GRID2: variants seen among roughly 807,000 people sequenced by gnomAD.
GRID2 encodes glutamate receptor ionotropic, delta-2.
In GRID2, 33 loss-of-function variants were observed where a neutral mutation model predicts 114.8. The observed-to-expected ratio is 0.29, with a 90% confidence interval of 0.22 to 0.38. The LOEUF (loss-of-function observed/expected upper bound fraction) is 0.38, where lower values mean the gene tolerates loss of function less well. GRID2 is among the 10% of genes least tolerant of loss of function. GRID2 has a pLI of 1.00. For synonymous variants in GRID2, 505 were observed against 449.9 expected, an observed-to-expected ratio of 1.12 and a Z score of -1.55; for missense variants, 1,184 against 1,257.7, an observed-to-expected ratio of 0.94 and a Z score of 0.89.
intron 8 of GRID2, among the ~76,000 whole-genome samples, chr4:93,362,873 A>G (rs979469236): frequency 6.6e-6 from 1 of 152,124 alleles, no homozygotes; most frequent in South Asian, 2.1e-4. Context: ...TGCAAGCTCT[A>G]TACTCATGCA....
At chr4:93,166,642 A>G (rs181478138) in intron 4 of GRID2, among the ~76,000 whole-genome samples, 70 of 152,292 alleles carry the variant, frequency 4.6e-4, no homozygotes, top group Non-Finnish European at 2.9e-5. Context: ...CTGCTTTATG[A>G]GGAATCCCAG....
chr4:92,653,673 C>G (rs1732090185), intron 2 of GRID2, among the ~76,000 whole-genome samples: 1 of 152,024 alleles, frequency 6.6e-6, no homozygotes, highest in African/African-American at 2.4e-5. Context: ...GCTGTACTTG[C>G]TGGATGTTCC....
chr4:92,765,735 A>G lies in GRID2; in HGVS notation c.244+175449A>G, dbSNP rs192493139. Among the ~76,000 whole-genome samples, 12 of 152,316 alleles carry G rather than the reference A, an allele frequency of 7.9e-5. No individual in the cohort carries two copies. The East Asian group carries it at 1.9e-3, about 25-fold the overall frequency. ...CATTTTAGTAGTTATGAAAGTATCC[A>G]GACAGAGAGCACTAAAGTCTGGTGG... On this transcript the variant is annotated intron_variant, in intron 2 of 15. Coordinates refer to ENST00000282020, the MANE Select transcript of GRID2 (RefSeq NM_001510.4).
At chr4:93,608,578 T>A (rs1359289715) in intron 13 of GRID2, among the ~76,000 whole-genome samples, 1 of 144,248 alleles carries the variant, frequency 6.9e-6, no homozygotes, top group Non-Finnish European at 1.5e-5. Context: ...TTTTTGTTCT[T>A]GCAATAGTTT....
At chr4:92,521,333 C>T (rs1724767262) in intron 1 of GRID2, among the ~76,000 whole-genome samples, 1 of 151,592 alleles carries the variant, frequency 6.6e-6, no homozygotes, top group African/African-American at 2.4e-5. Flanking sequence ...ATATAACAAA[C>T]AAGTATAAAA....
chr4:93,788,089 G>T (rs548455167), intron 1 of GRID2, among the ~76,000 whole-genome samples: 105 of 152,242 alleles, frequency 6.9e-4, no homozygotes, highest in African/African-American at 2.5e-3. Context: ...GGCCGAGGCG[G>T]GTGGATCACC....
At chr4:93,634,014 C>A (rs1721187750) in intron 14 of GRID2, among the ~76,000 whole-genome samples, 1 of 152,054 alleles carries the variant, frequency 6.6e-6, no homozygotes, top group Non-Finnish European at 1.5e-5. Flanking sequence ...GTACATAAAA[C>A]CAGAAGTTAA....
intron 14 of GRID2, among the ~76,000 whole-genome samples, chr4:93,694,946 C>T (rs760623684): frequency 2.6e-5 from 4 of 151,998 alleles, no homozygotes; most frequent in Non-Finnish European, 5.9e-5. Context: ...CCGAGACGGG[C>T]GGATTGCCTG....
chr4:92,659,447 T>A (rs925676457), intron 2 of GRID2, among the ~76,000 whole-genome samples: 6 of 151,470 alleles, frequency 4.0e-5, no homozygotes, highest in Admixed American at 1.3e-4. Flanking sequence ...CTCTCACTTT[T>A]CAGATCTCGA....
At chr4:92,535,813 A>G (rs537244304) in intron 1 of GRID2, among the ~76,000 whole-genome samples, 1 of 152,146 alleles carries the variant, frequency 6.6e-6, no homozygotes, top group Non-Finnish European at 1.5e-5. Flanking sequence ...GTGTGCCAGG[A>G]GTTTCTTCCT....
chr4:92,755,229 A>G (rs1737654552), intron 2 of GRID2, among the ~76,000 whole-genome samples: 1 of 152,166 alleles, frequency 6.6e-6, no homozygotes, highest in African/African-American at 2.4e-5. Context: ...TGTTTCTGCC[A>G]TTTTTGAGAT....
At chr4:93,028,059 C>A (rs997320977) in intron 2 of GRID2, among the ~76,000 whole-genome samples, 6 of 152,132 alleles carry the variant, frequency 3.9e-5, no homozygotes, top group Admixed American at 3.3e-4. Flanking sequence ...ACTTTCTATT[C>A]AGTCTCTTCT....
chr4:92,987,456 G>A (rs1402369657), intron 2 of GRID2, among the ~76,000 whole-genome samples: 1 of 152,040 alleles, frequency 6.6e-6, no homozygotes, highest in Non-Finnish European at 1.5e-5. Context: ...GTGGGAGGAG[G>A]GGAGAGGGAT....
At chr4:93,416,694 C>T (rs1767744877) in intron 9 of GRID2, among the ~76,000 whole-genome samples, 1 of 152,094 alleles carries the variant, frequency 6.6e-6, no homozygotes, top group South Asian at 2.1e-4. Flanking sequence ...ACGGCAAAAT[C>T]TGCAAGTTGC....
chr4:92,515,877 A>C (rs1339286765), intron 1 of GRID2, among the ~76,000 whole-genome samples: 1 of 151,930 alleles, frequency 6.6e-6, no homozygotes, highest in Non-Finnish European at 1.5e-5. Context: ...CTAGTTTCTC[A>C]CTTCATTTGT....
intron 1 of GRID2, among the ~76,000 whole-genome samples, chr4:92,387,421 A>T (rs1296742303): frequency 6.6e-6 from 1 of 151,972 alleles, no homozygotes; most frequent in Admixed American, 6.6e-5. Flanking sequence ...AATGTGAGGT[A>T]CTCTGCAAAG....
At chr4:93,551,345 G>A (rs1031844363) in intron 13 of GRID2, among the ~76,000 whole-genome samples, 2 of 152,156 alleles carry the variant, frequency 1.3e-5, no homozygotes, top group African/African-American at 4.8e-5. Context: ...GCCATAGGGA[G>A]GCAGCATTTG....
intron 8 of GRID2, among the ~76,000 whole-genome samples, chr4:93,370,534 C>A (rs1192818046): frequency 1.3e-5 from 2 of 151,800 alleles, no homozygotes; most frequent in African/African-American, 4.8e-5. Flanking sequence ...ATATTGCAGT[C>A]ACACAGAATT....
At chr4:92,658,666 G>A (rs1324312114) in intron 2 of GRID2, among the ~76,000 whole-genome samples, 2 of 151,516 alleles carry the variant, frequency 1.3e-5, no homozygotes, top group South Asian at 2.1e-4. Flanking sequence ...AAAAGGAACT[G>A]AAGCAAAAAT....
Sources: allele counts gnomAD v4.1 joint callset (sites outside exome capture counted in the v4.1 genomes callset), GRCh38; gene constraint gnomAD v4.1.1; transcripts MANE v1.5; gene names NCBI Gene and HGNC (gene_info 2026-07-23, HGNC 2026-07-21).